MND1: variants seen among roughly 807,000 people sequenced by gnomAD.
The protein encoded by MND1 is meiotic nuclear divisions 1, also known as meiotic nuclear division protein 1 homolog.
Under a neutral mutation model 35.1 loss-of-function variants are expected in MND1, and 28 were observed. The observed-to-expected ratio is 0.80, with a 90% CI of 0.59 to 1.09. The LOEUF is 1.09. MND1 is among the 50% of genes least tolerant of loss of function. The probability of loss-of-function intolerance (pLI) is 0.00; values close to 1 mark genes in which losing one functional copy is unlikely to be tolerated. For synonymous variants in MND1, 69 were observed against 70.5 expected (o/e 0.98, Z 0.11); for missense variants, 213 against 239.6 (o/e 0.89, Z 0.73).
At chr4:153,407,191 C>T (rs998953405) in intron 6 of MND1, among the ~76,000 whole-genome samples, 15 of 152,188 alleles carry the variant, frequency 9.9e-5, no homozygotes, top group African/African-American at 2.7e-4. Context: ...AGGCCGGGCA[C>T]GGTGGCTCAC....
chr4:153,397,479 A>G lies in MND1; in HGVS notation c.466+146A>G, dbSNP rs114518659. ...TCTGTTTGTAGTACTCTAATTTTGT[A>G]TTTGTAACATAGTAGGAAAATATTG... On this transcript the variant is annotated intron_variant, in intron 6 of 7. Transcript: ENST00000240488. 4.0e-3 allele frequency: 2,270 copies of G among 570,288 alleles called. 46 individuals are homozygous for G. Among genetic ancestry groups the G allele is most frequent in the African/African-American group, 0.038 (2,002 of 52,910 alleles). The allele number at this position is 570,288 out of a possible 1,614,324, so 35.3% of individuals were successfully genotyped here.
intron 4 of MND1, among the ~76,000 whole-genome samples, chr4:153,365,489 C>A (rs903669752): frequency 2.0e-5 from 3 of 152,026 alleles, no homozygotes; most frequent in African/African-American, 7.2e-5. Flanking sequence ...GCAGGGAGAT[C>A]AGATAGGTTA....
chr4:153,348,447 G>T (rs1269270527), intron 1 of MND1, among the ~76,000 whole-genome samples: 2 of 152,150 alleles, frequency 1.3e-5, no homozygotes, highest in Non-Finnish European at 2.9e-5. Flanking sequence ...CTCAGCATAA[G>T]TGTTAATTAA....
chr4:153,359,490 A>G (rs1254994047), intron 4 of MND1, among the ~76,000 whole-genome samples: 1 of 152,266 alleles, frequency 6.6e-6, no homozygotes, highest in Non-Finnish European at 1.5e-5. Context: ...TAAAGCTGCC[A>G]TAAGCATTCA....
rs1199590924 is a variant in MND1, at chr4:153,344,759, G to T, written c.3+19G>T. On this transcript the variant is annotated intron_variant, in intron 1 of 7. Transcript: ENST00000240488. Reference sequence around the variant, plus strand: ...CGCCATGGTAAGGACTGAGGCTACGGTCCCGCGTCTTCTTCCTCCCTAGTG... The same window carrying T: ...CGCCATGGTAAGGACTGAGGCTACGTTCCCGCGTCTTCTTCCTCCCTAGTG... 1.4e-5 allele frequency: 22 copies of T among 1,600,594 alleles called. No homozygotes were observed. Among genetic ancestry groups the T allele is most frequent in the Non-Finnish European group, 1.6e-5 (19 of 1,174,770 alleles).
intron 6 of MND1, among the ~76,000 whole-genome samples, chr4:153,406,503 C>T (rs894264397): frequency 6.6e-6 from 1 of 152,022 alleles, no homozygotes; most frequent in Non-Finnish European, 1.5e-5. Context: ...GCCTGGGTGA[C>T]AGAGACTCCA....
intron 3 of MND1, among the ~76,000 whole-genome samples, chr4:153,357,680 C>T (rs531906866): frequency 6.6e-6 from 1 of 152,256 alleles, no homozygotes; most frequent in Non-Finnish European, 1.5e-5. Flanking sequence ...ACACCAGTGT[C>T]CTAATGTCCC....
At chr4:153,372,387 A>T (rs6816446) in intron 4 of MND1, among the ~76,000 whole-genome samples, 28,098 of 151,832 alleles carry the variant, frequency 0.19, 2,796 homozygotes, top group African/African-American at 0.24. Context: ...GATTTTTTTT[A>T]AAAAAAACTT....
intron 5 of MND1, among the ~76,000 whole-genome samples, chr4:153,395,276 T>G (rs916351093): frequency 6.6e-6 from 1 of 152,200 alleles, no homozygotes; most frequent in African/African-American, 2.4e-5. Flanking sequence ...TTTGTTCCTT[T>G]TGTTTGTTTT....
intron 4 of MND1, among the ~76,000 whole-genome samples, chr4:153,385,620 G>A (rs1475742848): frequency 1.3e-5 from 2 of 151,536 alleles, no homozygotes; most frequent in African/African-American, 4.8e-5. Flanking sequence ...GGAGGCTGAG[G>A]TGGGAGGATT....
chr4:153,386,365 T>C (rs750820710), intron 4 of MND1, among the ~76,000 whole-genome samples: 30 of 150,870 alleles, frequency 2.0e-4, no homozygotes, highest in Non-Finnish European at 4.1e-4. Flanking sequence ...GGTATGATGG[T>C]GCATACCTGT....
intron 1 of MND1, chr4:153,345,437 G>T (rs1475051293): frequency 1.0e-6 from 1 of 985,372 alleles, no homozygotes; most frequent in East Asian, 1.1e-4. Flanking sequence ...TGTGTAGGGC[G>T]CTGTTGCTTT....
At position 153,414,821 on chromosome 4, in the gene MND1, T is replaced by G; in HGVS notation, c.582T>G (p.Thr194=). The change falls in exon 8 of 8, where the codon ACT becomes ACG. Residue 194 remains threonine (T), a synonymous_variant. Coordinates refer to ENST00000240488, the MANE Select transcript of MND1 (RefSeq NM_032117.4). ...FGFEENKIDR[T]FGIPEDFDYI... is the part of the protein sequence containing the mutation. Reference sequence around the variant, plus strand: ...TTGAAGAAAATAAAATTGATAGAACTTTTGGAATTCCAGAAGACTTTGACT... The same window carrying G: ...TTGAAGAAAATAAAATTGATAGAACGTTTGGAATTCCAGAAGACTTTGACT... 6.4e-7 allele frequency: 1 copy of G among 1,559,242 alleles called. No homozygotes were observed. Among genetic ancestry groups the G allele is most frequent in the African/African-American group, 1.4e-5 (1 of 73,202 alleles).
chr4:153,370,976 C>CCA (rs1773775909), intron 4 of MND1, among the ~76,000 whole-genome samples: 1 of 152,038 alleles, frequency 6.6e-6, no homozygotes, highest in Admixed American at 6.6e-5. Flanking sequence ...ACTCCTTGAT[C>CCA]CACAGGCTGC....
At chr4:153,414,406 C>T (rs560361555) in intron 7 of MND1, among the ~76,000 whole-genome samples, 4 of 152,048 alleles carry the variant, frequency 2.6e-5, no homozygotes, top group African/African-American at 4.8e-5. Flanking sequence ...CTCAGCCTCC[C>T]GAGTAGCTGG....
chr4:153,364,034 G>A (rs577070255), intron 4 of MND1, among the ~76,000 whole-genome samples: 4 of 151,998 alleles, frequency 2.6e-5, no homozygotes, highest in South Asian at 2.1e-4. Context: ...AGGAGTTCAC[G>A]GCCAGCCTGG....
chr4:153,345,420 T>C lies in MND1; in HGVS notation c.3+680T>C, dbSNP rs2149625694. ...GAGTCGCTGCTCTTGTGCCGGGTGC[T>C]GCTGGTTGTGTAGGGCGCTGTTGCT... On this transcript the variant is annotated intron_variant, in intron 1 of 7. Coordinates refer to ENST00000240488, the MANE Select transcript of MND1 (RefSeq NM_032117.4). The C allele has an allele frequency of 3.0e-6, 3 of 985,560 alleles. No homozygotes were observed. The South Asian group carries it at 1.4e-4, about 46-fold the overall frequency. The allele number at this position is 985,560 out of a possible 1,614,324, so 61.1% of individuals were successfully genotyped here.
At chr4:153,382,012 A>G (rs139432437) in intron 4 of MND1, 1 of 151,992 alleles carries the variant, frequency 6.6e-6, no homozygotes, top group African/African-American at 2.4e-5. Flanking sequence ...CCACCACACC[A>G]GGCTATATAC....
intron 5 of MND1, among the ~76,000 whole-genome samples, chr4:153,395,688 C>T (rs1335330141): frequency 6.6e-6 from 1 of 152,168 alleles, no homozygotes; most frequent in South Asian, 2.1e-4. Context: ...CAGTCTATGG[C>T]GGTGGCTACC....
Sources: gnomAD v4.1 joint callset for allele counts (sites outside exome capture counted in the v4.1 genomes callset) on GRCh38, gnomAD v4.1.1 for gene constraint, MANE v1.5 for transcripts, NCBI Gene and HGNC (gene_info 2026-07-23, HGNC 2026-07-21) for gene names.